SDC4: variants seen among roughly 807,000 people sequenced by gnomAD.
SDC4 encodes the protein syndecan 4, also known as syndecan-4.
SDC4 carries 17 observed loss-of-function variants against 20.5 expected under a neutral mutation model. That is an observed-to-expected ratio of 0.83 (90% CI 0.57 to 1.25). The LOEUF (loss-of-function observed/expected upper bound fraction) is 1.25. Ranked by LOEUF, SDC4 falls within the 50% of genes most tolerant of loss-of-function variation. The pLI, the probability that SDC4 is intolerant of heterozygous loss-of-function variation, is 0.00. For synonymous variants in SDC4, 107 were observed against 105.3 expected, an observed-to-expected ratio of 1.02 and a Z score of -0.10; for missense variants, 241 against 252.3, an observed-to-expected ratio of 0.96 and a Z score of 0.30.
At chr20:45,342,512 C>T (rs1987968399) in intron 1 of SDC4, among the ~76,000 whole-genome samples, 1 of 152,202 alleles carries the variant, frequency 6.6e-6, no homozygotes, top group Admixed American at 6.5e-5. Context: ...TTCCATTACC[C>T]CAGGTGTCAC....
At chr20:45,339,726 G>T (rs1330843346) in intron 1 of SDC4, among the ~76,000 whole-genome samples, 1 of 152,166 alleles carries the variant, frequency 6.6e-6, no homozygotes, top group Non-Finnish European at 1.5e-5. Context: ...GGTGACAGAG[G>T]AAGACCCTGT....
chr20:45,327,875 C>T (rs1240220388), intron 4 of SDC4, among the ~76,000 whole-genome samples: 1 of 152,226 alleles, frequency 6.6e-6, no homozygotes, highest in Admixed American at 6.5e-5. Context: ...AACTCCTGAC[C>T]TTGCCCATCT....
At chr20:45,344,384 T>C (rs1206164873) in intron 1 of SDC4, among the ~76,000 whole-genome samples, 4 of 152,170 alleles carry the variant, frequency 2.6e-5, no homozygotes, top group Non-Finnish European at 5.9e-5. Context: ...GCTGTCCTAT[T>C]AGCCAAGAGT....
rs35186241 is a variant in SDC4 at position 45,326,383 on chromosome 20, T to TAAAAAAAAAAAAAAAA, written c.*865_*880dup. The TAAAAAAAAAAAAAAAA allele has an allele frequency of 1.0e-5, 1 of 97,694 alleles. No individual in the cohort carries two copies. The highest frequency in any genetic ancestry group is 2.0e-5 in the Non-Finnish European group (1 of 49,022). The allele number at this position is 97,694 out of a possible 1,614,324, so 6.1% of individuals were successfully genotyped here. A position where few individuals can be genotyped will look rare whatever the true frequency, so the allele number is the denominator to read the frequency against. On this transcript the variant is annotated 3_prime_UTR_variant, in exon 5 of 5. Transcript: ENST00000372733. ...AGGCCCTATCTAAAGCTATAAATAG[T>TAAAAAAAAAAAAAAAA]AAAAAAAAAAAAAAAAAAAAAAAAT...
intron 1 of SDC4, among the ~76,000 whole-genome samples, chr20:45,339,241 CTT>C (rs542549558): frequency 3.9e-4 from 60 of 152,334 alleles, no homozygotes; most frequent in African/African-American, 1.4e-3. Flanking sequence ...TCTGGGGTGA[CTT>C]TGAAGAACCA....
At chr20:45,348,239 C>CCA (rs1555865252) in intron 1 of SDC4, 86 bp downstream of exon 1, 2 of 1,167,344 alleles carry the variant, frequency 1.7e-6, no homozygotes, top group African/African-American at 3.1e-5. Context: ...CGATCTGCCC[C>CCA]CCCCCATCCC....
At position 45,335,911 on chromosome 20, in the gene SDC4, T is replaced by A. The variant is rs1987857587; in HGVS notation, c.70A>T (p.Thr24Ser). The A allele has an allele frequency of 2.5e-6, 4 of 1,612,066 alleles. No individual in the cohort carries two copies. The highest frequency in any genetic ancestry group is 1.7e-6 in the Non-Finnish European group (2 of 1,179,842). ...VGGVAESIRE[T>S]EVIDPQDLLE... Reference sequence around the variant, plus strand: ...AGGTCCTGGGGGTCGATGACCTCAGTCTCTCGGATCTAAGATAAAGAAAGG... The same window carrying A: ...AGGTCCTGGGGGTCGATGACCTCAGACTCTCGGATCTAAGATAAAGAAAGG... Residue 24 changes from threonine to serine, a missense_variant, in exon 2 of 5, where the codon ACT (threonine) becomes TCT (serine). Thr to Ser is a moderately conservative substitution (Grantham distance 58). Coordinates refer to ENST00000372733, the MANE Select transcript of SDC4 (RefSeq NM_002999.4).
chr20:45,335,849 G>C lies in SDC4; in HGVS notation c.132C>G (p.Asp44Glu). 6.2e-7 allele frequency: 1 copy of C among 1,614,022 alleles called. No homozygotes were observed. The highest frequency in any genetic ancestry group is 1.3e-5 in the African/African-American group (1 of 75,000). Residue 44 changes from aspartate (D) to glutamate (E), a missense_variant, in exon 2 of 5, where the codon GAC becomes GAG. Transcript: ENST00000372733. ...GCCCGGGCCCCACTACATCCTCATC[G>C]TCTGGTAGGGCTCCGGAGAAGTATC... Reference protein sequence around the residue: ...EGRYFSGALPDDEDVVGPGQE... With the variant: ...EGRYFSGALPEDEDVVGPGQE...
At chr20:45,331,111 C>T (rs550916952) in intron 3 of SDC4, among the ~76,000 whole-genome samples, 1 of 152,144 alleles carries the variant, frequency 6.6e-6, no homozygotes, top group Non-Finnish European at 1.5e-5. Context: ...GGATCGGGAC[C>T]CCTTTCTGGT....
chr20:45,336,356 T>G (rs1246162767), intron 1 of SDC4, among the ~76,000 whole-genome samples: 1 of 152,162 alleles, frequency 6.6e-6, no homozygotes, highest in Non-Finnish European at 1.5e-5. Flanking sequence ...GAGGTTGCAA[T>G]AAGCCAGGAT....
intron 4 of SDC4, among the ~76,000 whole-genome samples, chr20:45,328,349 A>C (rs1234494594): frequency 6.6e-6 from 1 of 152,174 alleles, no homozygotes; most frequent in Non-Finnish European, 1.5e-5. Context: ...TACCTTTCTC[A>C]TACATTTGTC....
chr20:45,327,677 C>G (rs1987714055), intron 4 of SDC4, among the ~76,000 whole-genome samples: 1 of 77,438 alleles, frequency 1.3e-5, no homozygotes, highest in African/African-American at 7.1e-5. Context: ...CGAAGTCTCA[C>G]TCTGTTGCCC....
chr20:45,348,297 C>A, intron 1 of SDC4, 28 bp downstream of exon 1: 1 of 1,563,814 alleles, frequency 6.4e-7, no homozygotes, highest in South Asian at 1.2e-5. Flanking sequence ...CCGCTTCGCC[C>A]CCAGCCCGGG....
chr20:45,327,498 G>T, intron 4 of SDC4, 83 bp from the exon 5 acceptor site: 1 of 1,440,422 alleles, frequency 6.9e-7, no homozygotes, highest in Non-Finnish European at 9.4e-7. Context: ...CCCACTGTCA[G>T]TTCTCTTACA....
chr20:45,339,742 A>G (rs996063694), intron 1 of SDC4, among the ~76,000 whole-genome samples: 15 of 152,230 alleles, frequency 9.9e-5, no homozygotes, highest in African/African-American at 3.1e-4. Context: ...CCTGTCTCCA[A>G]AAAATAAAAA....
At position 45,330,496 on chromosome 20, in the gene SDC4, T is replaced by G. The variant is rs764348767; in HGVS notation, c.315A>C (p.Lys105Asn). Residue 105 changes from lysine to asparagine, a missense_variant, in exon 4 of 5, where the codon AAA (lysine) becomes AAC (asparagine). Transcript: ENST00000372733. ...TGGGGATAACCTCATTCTCCTCTAG[T>G]TTCTTGGGTTCGGTGGGGACTTGGC... ...SGSQVPTEPK[K>N]LEENEVIPKR... 6.2e-7 allele frequency: 1 copy of G among 1,614,158 alleles called. No homozygotes were observed. The highest frequency in any genetic ancestry group is 8.5e-7 in the Non-Finnish European group (1 of 1,180,032).
chr20:45,339,353 C>T (rs1044178941), intron 1 of SDC4, among the ~76,000 whole-genome samples: 6 of 152,240 alleles, frequency 3.9e-5, no homozygotes, highest in Admixed American at 2.6e-4. Flanking sequence ...CCACCTTTGC[C>T]CAGGCATGTG....
intron 1 of SDC4, among the ~76,000 whole-genome samples, chr20:45,339,297 C>T (rs1366316099): frequency 1.3e-5 from 2 of 152,224 alleles, no homozygotes; most frequent in Non-Finnish European, 2.9e-5. Context: ...AGATGGACCC[C>T]GCCCTGCTCC....
At chr20:45,328,477 C>A (rs1987728409) in intron 4 of SDC4, among the ~76,000 whole-genome samples, 1 of 152,196 alleles carries the variant, frequency 6.6e-6, no homozygotes, top group African/African-American at 2.4e-5. Flanking sequence ...CCCGAACCCC[C>A]TGAATCAGGT....
Sources: gnomAD v4.1 joint callset for allele counts (sites outside exome capture counted in the v4.1 genomes callset) on GRCh38, gnomAD v4.1.1 for gene constraint, MANE v1.5 for transcripts, NCBI Gene and HGNC (gene_info 2026-07-23, HGNC 2026-07-21) for gene names.